Variants in TCAIM observed in about 807,000 individuals in gnomAD.
TCAIM encodes T-cell activation inhibitor, mitochondrial.
Under a neutral mutation model 58.6 loss-of-function variants are expected in TCAIM, and 36 were observed. The ratio of observed to expected loss-of-function variants is 0.61; its 90% CI spans 0.47 to 0.81. The LOEUF (loss-of-function observed/expected upper bound fraction) is 0.81, where lower values mean the gene tolerates loss of function less well. Ranked by LOEUF, TCAIM falls within the 30% of genes least tolerant of loss-of-function variation. The pLI, the probability that TCAIM is intolerant of heterozygous loss-of-function variation, is 0.00. For missense variants in TCAIM, 466 were observed against 579.6 expected (o/e 0.80, Z 2.01); for synonymous variants, 172 against 193.6 (o/e 0.89, Z 0.93).
At position 44,409,024 on chromosome 3, in the gene TCAIM, C is replaced by T. The variant is rs1351553693; in HGVS notation, c.*1342C>T. 4 of 152,084 alleles carry T rather than the reference C, an allele frequency of 2.6e-5. No homozygotes were observed. The highest frequency in any genetic ancestry group is 9.7e-5 in the African/African-American group (4 of 41,372). 9.4% of individuals were successfully genotyped at this position (152,084 alleles called of 1,614,324 possible). A position where few individuals can be genotyped will look rare whatever the true frequency, so the allele number is the denominator to read the frequency against. ...GAACACCATTTTTGGGCTCTTGCTA[C>T]TGAATGAATCAGAAAGGAATTTTTT... is the stretch of plus-strand genomic sequence containing the variant. On this transcript the variant is annotated 3_prime_UTR_variant, in exon 11 of 11. Coordinates refer to ENST00000342649, the MANE Select transcript of TCAIM (RefSeq NM_173826.4).
intron 3 of TCAIM, chr3:44,359,571 A>C (rs1236008296): frequency 1.3e-5 from 2 of 152,196 alleles, no homozygotes; most frequent in Admixed American, 6.5e-5. Flanking sequence ...ACTGACCCCC[A>C]GTAAAACTCT....
At chr3:44,383,631 T>C (rs1338204602) in intron 5 of TCAIM, among the ~76,000 whole-genome samples, 2 of 152,032 alleles carry the variant, frequency 1.3e-5, no homozygotes, top group African/African-American at 4.8e-5. Flanking sequence ...GTGGTGATAG[T>C]TGCACAACAA....
At chr3:44,340,845 ATTTC>A (rs1481849114) in intron 1 of TCAIM, 1 of 151,976 alleles carries the variant, frequency 6.6e-6, no homozygotes, top group Non-Finnish European at 1.5e-5. Context: ...CCTAAGAGTT[ATTTC>A]TTTCTCTCCT....
At chr3:44,349,559 G>A (rs1701042741) in intron 1 of TCAIM, among the ~76,000 whole-genome samples, 1 of 152,046 alleles carries the variant, frequency 6.6e-6, no homozygotes, top group South Asian at 2.1e-4. Context: ...ACCCCCCAGG[G>A]GAGGTTATGC....
chr3:44,345,489 AT>A (rs1700947530), intron 1 of TCAIM, among the ~76,000 whole-genome samples: 1 of 152,118 alleles, frequency 6.6e-6, no homozygotes, highest in Admixed American at 6.5e-5. Flanking sequence ...GGCCAGATTG[AT>A]TTAGGTAAAA....
At chr3:44,353,000 C>T (rs1701123330) in intron 1 of TCAIM, among the ~76,000 whole-genome samples, 3 of 150,974 alleles carry the variant, frequency 2.0e-5, no homozygotes, top group Admixed American at 2.0e-4. Context: ...CGGCTCACTG[C>T]AACCCTCTGA....
chr3:44,401,145 T>G, intron 9 of TCAIM, 58 bp from the exon 10 acceptor site: 1 of 1,570,456 alleles, frequency 6.4e-7, no homozygotes, highest in Non-Finnish European at 8.6e-7. Context: ...AAATATTTTC[T>G]CTGGTGGGGG....
intron 5 of TCAIM, among the ~76,000 whole-genome samples, chr3:44,376,502 G>T (rs1463730159): frequency 5.3e-5 from 8 of 152,062 alleles, no homozygotes; most frequent in South Asian, 2.1e-4. Context: ...TCAAATTAGG[G>T]TGTTATAACT....
At position 44,357,760 on chromosome 3, in the gene TCAIM, T is replaced by C. The variant is rs767835798; in HGVS notation, c.49T>C (p.Phe17Leu). ...PMRRLCLEKI[F>L]PHWFPFSRAL... ...TAAAAGGTTATGTCTAGAGAAGATA[T>C]TTCCACACTGGTTTCCCTTTTCAAG... is the stretch of plus-strand genomic sequence containing the variant. The change falls in exon 3 of 11, where the codon TTT (phenylalanine) becomes CTT (leucine). Residue 17 changes from phenylalanine to leucine, a missense_variant. Coordinates refer to ENST00000342649, the MANE Select transcript of TCAIM (RefSeq NM_173826.4). 2 of 1,614,038 alleles carry C rather than the reference T, an allele frequency of 1.2e-6. No individual in the cohort carries two copies. Among genetic ancestry groups the C allele is most frequent in the East Asian group, 2.2e-5 (1 of 44,874 alleles).
rs114211055 is a variant in TCAIM, at chr3:44,394,618, G to A, written c.695+1641G>A. Among the ~76,000 whole-genome samples, 1,358 of 151,592 alleles carry A rather than the reference G, an allele frequency of 9.0e-3. 20 individuals are homozygous for A. The highest frequency in any genetic ancestry group is 0.032 in the African/African-American group (1,303 of 41,294). On this transcript the variant is annotated intron_variant, in intron 6 of 10. Coordinates refer to ENST00000342649, the MANE Select transcript of TCAIM (RefSeq NM_173826.4). ...AAATGTCAATAGATATAACCCGGCC[G>A]GGTATGGTGGCTCACACCTGTAATC...
intron 10 of TCAIM, among the ~76,000 whole-genome samples, chr3:44,407,180 A>T (rs917957404): frequency 2.6e-5 from 4 of 152,166 alleles, no homozygotes; most frequent in Non-Finnish European, 5.9e-5. Context: ...TTTTAAATTT[A>T]TGTTATTTTT....
chr3:44,388,610 G>A (rs1332080219), intron 5 of TCAIM, among the ~76,000 whole-genome samples: 1 of 152,064 alleles, frequency 6.6e-6, no homozygotes, highest in Non-Finnish European at 1.5e-5. Context: ...GAGATATTTA[G>A]GGCTATATAA....
intron 1 of TCAIM, among the ~76,000 whole-genome samples, chr3:44,351,864 C>G (rs899292573): frequency 2.0e-5 from 3 of 152,076 alleles, no homozygotes; most frequent in Non-Finnish European, 4.4e-5. Context: ...CCACATCAGT[C>G]AACCTGGAAA....
At chr3:44,368,906 C>T (rs1483446473) in intron 5 of TCAIM, among the ~76,000 whole-genome samples, 1 of 152,152 alleles carries the variant, frequency 6.6e-6, no homozygotes, top group East Asian at 1.9e-4. Flanking sequence ...ATTTGTAGTT[C>T]TAGCTACTTG....
intron 2 of TCAIM, among the ~76,000 whole-genome samples, chr3:44,356,537 G>C (rs1701193939): frequency 6.6e-6 from 1 of 151,706 alleles, no homozygotes; most frequent in South Asian, 2.1e-4. Flanking sequence ...AAAAAGCTTA[G>C]GATGGAAAAG....
At chr3:44,357,322 G>A (rs191819825) in intron 2 of TCAIM, among the ~76,000 whole-genome samples, 179 of 151,830 alleles carry the variant, frequency 1.2e-3, no homozygotes, top group African/African-American at 4.0e-3. Flanking sequence ...CTCCAGCCTG[G>A]GCAACAAAGC....
intron 1 of TCAIM, among the ~76,000 whole-genome samples, chr3:44,351,032 G>A (rs1701076587): frequency 6.6e-6 from 1 of 152,188 alleles, no homozygotes; most frequent in Non-Finnish European, 1.5e-5. Flanking sequence ...TTGAGATGGA[G>A]TCTCACTCTC....
intron 5 of TCAIM, among the ~76,000 whole-genome samples, chr3:44,387,725 C>T (rs556746746): frequency 1.3e-5 from 2 of 152,176 alleles, no homozygotes; most frequent in African/African-American, 4.8e-5. Flanking sequence ...GCCTGCCAGG[C>T]CAAGTGGGCA....
intron 1 of TCAIM, among the ~76,000 whole-genome samples, chr3:44,353,373 G>A (rs201205482): frequency 6.6e-6 from 1 of 152,312 alleles, no homozygotes; most frequent in East Asian, 1.9e-4. Context: ...TATAAATAAA[G>A]CCTCTGTAAA....
Sources: gnomAD v4.1 joint callset for allele counts (sites outside exome capture counted in the v4.1 genomes callset) on GRCh38, gnomAD v4.1.1 for gene constraint, MANE v1.5 for transcripts, NCBI Gene and HGNC (gene_info 2026-07-23, HGNC 2026-07-21) for gene names.